TSPAN14: variants seen among roughly 807,000 people sequenced by gnomAD.
The protein encoded by TSPAN14 is tetraspanin 14.
TSPAN14 carries 16 observed loss-of-function variants against 36.6 expected under a neutral mutation model. That is an observed-to-expected ratio of 0.44 (90% CI 0.30 to 0.66). The LOEUF is 0.66. TSPAN14 is among the 30% of genes least tolerant of loss of function. TSPAN14 has a pLI of 0.12. For missense variants in TSPAN14, 231 were observed against 355.1 expected (o/e 0.65, Z 2.81); for synonymous variants, 139 against 143.8 (o/e 0.97, Z 0.24).
chr10:80,488,370 G>A (rs891393309), intron 1 of TSPAN14, among the ~76,000 whole-genome samples: 2 of 152,216 alleles, frequency 1.3e-5, no homozygotes, highest in Non-Finnish European at 2.9e-5. Flanking sequence ...CCTGCAGTAG[G>A]ATCTCTGAGG....
intron 2 of TSPAN14, among the ~76,000 whole-genome samples, chr10:80,501,480 G>A (rs1848522098): frequency 6.6e-6 from 1 of 152,140 alleles, no homozygotes; most frequent in African/African-American, 2.4e-5. Flanking sequence ...GGTGAGAGAA[G>A]GGGTGAGCTG....
rs540734368 is a variant in TSPAN14 at position 80,483,439 on chromosome 10, G to A, written c.-17-5778G>A. On this transcript the variant is annotated intron_variant, in intron 1 of 8. Transcript: ENST00000429989. Reference sequence around the variant, plus strand: ...ATGAGGTTCATGTTTCACTTAATGTGTATTCTTTTTCTGGAGGCAAATTCT... The same window carrying A: ...ATGAGGTTCATGTTTCACTTAATGTATATTCTTTTTCTGGAGGCAAATTCT... Among the ~76,000 whole-genome samples the A allele has an allele frequency of 5.3e-5, 8 of 152,270 alleles. No homozygotes were observed. The South Asian group carries it at 1.7e-3, about 32-fold the overall frequency.
At chr10:80,520,808 C>G (rs746893143) in exon 9 of TSPAN14, 1 of 533,480 alleles carries the variant, frequency 1.9e-6, no homozygotes, top group Non-Finnish European at 3.8e-6. Context: ...TCAACTCTGG[C>G]CTTCTTCAGC....
intron 2 of TSPAN14, among the ~76,000 whole-genome samples, chr10:80,492,544 C>T (rs1439727160): frequency 2.0e-5 from 3 of 152,116 alleles, no homozygotes; most frequent in East Asian, 1.9e-4. Context: ...AGGCCTGGCG[C>T]GGTGGCTCAC....
At chr10:80,475,748 A>C (rs1846836818) in intron 1 of TSPAN14, among the ~76,000 whole-genome samples, 2 of 152,062 alleles carry the variant, frequency 1.3e-5, no homozygotes, top group African/African-American at 4.8e-5. Flanking sequence ...CACCACACCC[A>C]GCTAATTTTT....
intron 4 of TSPAN14, among the ~76,000 whole-genome samples, chr10:80,508,559 C>G (rs554810969): frequency 6.6e-6 from 1 of 152,312 alleles, no homozygotes; most frequent in African/African-American, 2.4e-5. Flanking sequence ...GGATGTGGAC[C>G]TGTGGCTGCA....
At chr10:80,457,362 T>C (rs1210219515) in intron 1 of TSPAN14, among the ~76,000 whole-genome samples, 1 of 151,998 alleles carries the variant, frequency 6.6e-6, no homozygotes, top group Admixed American at 6.5e-5. Context: ...CTAATTTTTG[T>C]ATTTTTAGTA....
rs186429127 is a variant in TSPAN14 at position 80,505,048 on chromosome 10, G to A, written c.132+270G>A. 1.1e-4 allele frequency among the ~76,000 whole-genome samples: 16 copies of A among 152,358 alleles called. No individual in the cohort carries two copies. The East Asian group carries it at 2.9e-3, about 28-fold the overall frequency. ...TTGTATGCAGCTGTGCCCAGAGCAG[G>A]CTTGGGCAATCCAGCTTCCTGACCC... On this transcript the variant is annotated intron_variant, in intron 3 of 8. Coordinates refer to ENST00000429989, the Ensembl canonical transcript of TSPAN14.
At chr10:80,480,001 T>C (rs1847159902) in intron 1 of TSPAN14, among the ~76,000 whole-genome samples, 1 of 141,634 alleles carries the variant, frequency 7.1e-6, no homozygotes, top group Non-Finnish European at 1.5e-5. Context: ...CTTGAAGAGG[T>C]CCTTCACATC....
At chr10:80,492,672 C>T (rs768838312) in intron 2 of TSPAN14, among the ~76,000 whole-genome samples, 13 of 152,048 alleles carry the variant, frequency 8.5e-5, no homozygotes, top group Non-Finnish European at 1.5e-4. Context: ...AAAAATTAGC[C>T]GGGCGTGGTG....
At chr10:80,521,762 A>G (rs1317007702) in exon 9 of TSPAN14, 1 of 152,108 alleles carries the variant, frequency 6.6e-6, no homozygotes, top group Non-Finnish European at 1.5e-5. Context: ...TCTCTACTAA[A>G]AATACAAAAA....
chr10:80,494,335 C>T (rs888702948), intron 2 of TSPAN14, among the ~76,000 whole-genome samples: 2 of 152,154 alleles, frequency 1.3e-5, no homozygotes, highest in Non-Finnish European at 2.9e-5. Context: ...GTGAGTAGGG[C>T]GAACATGTAA....
exon 9 of TSPAN14, chr10:80,518,502 C>G (rs987832079): frequency 1.2e-5 from 2 of 171,616 alleles, no homozygotes; most frequent in African/African-American, 4.7e-5. Context: ...TGAGTGCCAG[C>G]GCAGTCTGCT....
At chr10:80,478,382 C>T (rs1589254184) in intron 1 of TSPAN14, among the ~76,000 whole-genome samples, 1 of 152,090 alleles carries the variant, frequency 6.6e-6, no homozygotes, top group Non-Finnish European at 1.5e-5. Flanking sequence ...AGCCAGGCTT[C>T]CCACATCAAT....
exon 6 of TSPAN14, chr10:80,512,159 G>A (rs901787580): frequency 7.4e-6 from 12 of 1,614,190 alleles, no homozygotes; most frequent in South Asian, 2.2e-5. Context: ...GTGCTGTGGC[G>A]CATATGGCCC....
rs935827410 is a variant in TSPAN14, at chr10:80,517,847, C to T, written c.742-58C>T. 5.9e-6 allele frequency: 9 copies of T among 1,528,096 alleles called. No individual in the cohort carries two copies. The African/African-American group carries it at 1.2e-4, about 21-fold the overall frequency. The allele number at this position is 1,528,096 out of a possible 1,614,324, so 94.7% of individuals were successfully genotyped here. On this transcript the variant is annotated intron_variant, in intron 8 of 8. Transcript: ENST00000429989. ...AGCTCCCAACCCCACCCTCCGCTCC[C>T]TGCCCTCTGCCTTTGGGCCCCAGCA...
intron 2 of TSPAN14, among the ~76,000 whole-genome samples, chr10:80,490,159 A>C (rs1230742741): frequency 6.6e-6 from 1 of 152,222 alleles, no homozygotes; most frequent in East Asian, 1.9e-4. Context: ...TAGTGACTGC[A>C]GAGTGAGGGG....
chr10:80,521,671 A>G (rs899595401), exon 9 of TSPAN14: 2 of 152,162 alleles, frequency 1.3e-5, no homozygotes, highest in African/African-American at 4.8e-5. Context: ...CTCCTTATCA[A>G]GTTGGCAAGG....
rs1846970194 is a variant in TSPAN14 at position 80,477,243 on chromosome 10, A to G, written c.-17-11974A>G. On this transcript the variant is annotated intron_variant, in intron 1 of 8. Transcript: ENST00000429989. Reference sequence around the variant, plus strand: ...CCCCCTATGTTAAGATCAGTTGATTAGTAACCTTAATTACATGTGCCAAGT... The same window carrying G: ...CCCCCTATGTTAAGATCAGTTGATTGGTAACCTTAATTACATGTGCCAAGT... Among the ~76,000 whole-genome samples the G allele has an allele frequency of 2.0e-5, 3 of 152,362 alleles. No homozygotes were observed. In the South Asian group the frequency reaches 6.2e-4, roughly 32 times the overall value.
Sources: allele counts gnomAD v4.1 joint callset (sites outside exome capture counted in the v4.1 genomes callset), GRCh38; gene constraint gnomAD v4.1.1; transcripts MANE v1.5; gene names NCBI Gene and HGNC (gene_info 2026-07-23, HGNC 2026-07-21).